The following CNTN4 variants were observed in gnomAD, a reference collection of about 807,000 sequenced individuals.
CNTN4 encodes the protein contactin-4.
In CNTN4, 77 loss-of-function variants were observed where a neutral mutation model predicts 122.5. That is an observed-to-expected ratio of 0.63 (90% CI 0.52 to 0.76). The LOEUF (loss-of-function observed/expected upper bound fraction) is 0.76, where lower values mean the gene tolerates loss of function less well. Among genes scored for constraint, CNTN4 ranks in the 30% least tolerant of loss-of-function variants. The pLI is 0.00. For synonymous variants in CNTN4, 512 were observed against 447.0 expected, an observed-to-expected ratio of 1.15 and a Z score of -1.83; for missense variants, 1,256 against 1,259.1, an observed-to-expected ratio of 1.00 and a Z score of 0.04.
intron 3 of CNTN4, among the ~76,000 whole-genome samples, chr3:2,486,274 A>G (rs1227995156): frequency 6.6e-6 from 1 of 152,154 alleles, no homozygotes; most frequent in Non-Finnish European, 1.5e-5. Context: ...CACCAGCTTT[A>G]AGAACTGTAA....
At chr3:2,631,549 G>T (rs527525586) in intron 4 of CNTN4, among the ~76,000 whole-genome samples, 1 of 151,902 alleles carries the variant, frequency 6.6e-6, no homozygotes, top group East Asian at 1.9e-4. Context: ...GTTCTATACC[G>T]GTTTTCAAGT....
intron 3 of CNTN4, among the ~76,000 whole-genome samples, chr3:2,391,548 T>C (rs1174587681): frequency 1.3e-5 from 2 of 152,192 alleles, no homozygotes; most frequent in Non-Finnish European, 2.9e-5. Flanking sequence ...CATGTTCTTC[T>C]AACATATCCC....
At chr3:2,562,516 T>G (rs77626525) in intron 3 of CNTN4, among the ~76,000 whole-genome samples, 2,036 of 152,224 alleles carry the variant, frequency 0.013, 57 homozygotes, top group African/African-American at 0.047. Context: ...TTGTTTAGTA[T>G]AATGGCCTCC....
chr3:3,024,910 G>A (rs1320401045), intron 14 of CNTN4, among the ~76,000 whole-genome samples: 7 of 152,140 alleles, frequency 4.6e-5, no homozygotes, highest in African/African-American at 1.4e-4. Flanking sequence ...GCAATCCCGC[G>A]ACTATGGGAG....
chr3:2,479,673 CCTGT>C (rs1490747510), intron 3 of CNTN4, among the ~76,000 whole-genome samples: 2 of 152,148 alleles, frequency 1.3e-5, no homozygotes, highest in African/African-American at 2.4e-5. Context: ...CCTGGGTGTG[CCTGT>C]CTATCAGACA....
intron 4 of CNTN4, among the ~76,000 whole-genome samples, chr3:2,639,556 A>G (rs2082813004): frequency 6.6e-6 from 1 of 152,012 alleles, no homozygotes; most frequent in South Asian, 2.1e-4. Flanking sequence ...CTAACACACT[A>G]TGTATTTTGC....
intron 3 of CNTN4, among the ~76,000 whole-genome samples, chr3:2,489,367 T>C (rs1211277923): frequency 6.6e-6 from 1 of 152,146 alleles, no homozygotes; most frequent in Non-Finnish European, 1.5e-5. Flanking sequence ...ATTTTACTTA[T>C]TTGAATGAAA....
chr3:2,496,381 C>G (rs1164159271), intron 3 of CNTN4, among the ~76,000 whole-genome samples: 9 of 152,148 alleles, frequency 5.9e-5, no homozygotes, highest in Admixed American at 4.6e-4. Context: ...CAATGCCTCT[C>G]TTTCTCCACA....
At chr3:2,706,214 C>G (rs993368471) in intron 4 of CNTN4, among the ~76,000 whole-genome samples, 2 of 151,680 alleles carry the variant, frequency 1.3e-5, no homozygotes, top group African/African-American at 4.8e-5. Flanking sequence ...TGCATAATGC[C>G]TGGACATCAC....
chr3:2,250,452 T>C (rs188206276), intron 2 of CNTN4, among the ~76,000 whole-genome samples: 2 of 152,030 alleles, frequency 1.3e-5, no homozygotes, highest in African/African-American at 4.8e-5. Flanking sequence ...TTTTAATCTA[T>C]AAAATGAAGT....
chr3:2,781,890 A>ATTTTTTTTTTT (rs373125249), intron 6 of CNTN4, among the ~76,000 whole-genome samples: 8 of 114,658 alleles, frequency 7.0e-5, no homozygotes, highest in East Asian at 2.8e-4. Context: ...CGCCCGGCTA[A>ATTTTTTTTTTT]TTTTTTGTAT....
intron 3 of CNTN4, among the ~76,000 whole-genome samples, chr3:2,485,761 T>G (rs2076140843): frequency 6.6e-6 from 1 of 152,176 alleles, no homozygotes; most frequent in Non-Finnish European, 1.5e-5. Context: ...CAATCAGTGC[T>G]CTGTGTCTAG....
intron 6 of CNTN4, among the ~76,000 whole-genome samples, chr3:2,770,335 A>G (rs1374186927): frequency 6.6e-6 from 1 of 152,064 alleles, no homozygotes; most frequent in African/African-American, 2.4e-5. Flanking sequence ...GCCCTCTTCC[A>G]TCTCTTTCTA....
At chr3:2,981,650 A>G (rs529151424) in intron 13 of CNTN4, among the ~76,000 whole-genome samples, 5 of 152,290 alleles carry the variant, frequency 3.3e-5, no homozygotes, top group African/African-American at 7.2e-5. Flanking sequence ...ATATCTAAGT[A>G]TTTATATTGA....
At chr3:2,832,857 C>A (rs930740683) in intron 7 of CNTN4, among the ~76,000 whole-genome samples, 4 of 152,142 alleles carry the variant, frequency 2.6e-5, no homozygotes, top group African/African-American at 9.7e-5. Context: ...GTGGGATGCA[C>A]CCATTCTTAG....
chr3:2,724,630 G>A (rs1158490982), intron 4 of CNTN4, among the ~76,000 whole-genome samples: 1 of 152,178 alleles, frequency 6.6e-6, no homozygotes, highest in Admixed American at 6.5e-5. Flanking sequence ...AGCTGCCAAA[G>A]AGACAGGTGC....
intron 4 of CNTN4, among the ~76,000 whole-genome samples, chr3:2,732,775 T>C (rs1576602785): frequency 6.6e-6 from 1 of 152,316 alleles, no homozygotes; most frequent in Admixed American, 6.5e-5. Flanking sequence ...AAAGCTAGGA[T>C]ATCTGGGTTT....
chr3:2,254,737 G>A (rs980594748), intron 2 of CNTN4, among the ~76,000 whole-genome samples: 2 of 152,138 alleles, frequency 1.3e-5, no homozygotes, highest in Admixed American at 6.5e-5. Context: ...TGATGGGGTT[G>A]TTTTTTTCTT....
chr3:2,584,276 G>A (rs1251903111), intron 4 of CNTN4, among the ~76,000 whole-genome samples: 1 of 152,112 alleles, frequency 6.6e-6, no homozygotes, highest in African/African-American at 2.4e-5. Flanking sequence ...GGAAAATTGT[G>A]GGAGTAGGAG....
Sources: gnomAD v4.1 joint callset for allele counts (sites outside exome capture counted in the v4.1 genomes callset) on GRCh38, gnomAD v4.1.1 for gene constraint, MANE v1.5 for transcripts, NCBI Gene and HGNC (gene_info 2026-07-23, HGNC 2026-07-21) for gene names.